Variants in CHPF2 observed in about 807,000 individuals in gnomAD.
CHPF2 encodes chondroitin polymerizing factor 2, also known as chondroitin polymerizing factor 2, non-catalytic subunit.
CHPF2 carries 58 observed loss-of-function variants against 63.0 expected under a neutral mutation model. The ratio of observed to expected loss-of-function variants is 0.92; its 90% CI spans 0.75 to 1.15. The LOEUF (loss-of-function observed/expected upper bound fraction) is 1.15. Among genes scored for constraint, CHPF2 ranks in the 50% most tolerant of loss-of-function variants. The pLI, the probability that CHPF2 is intolerant of heterozygous loss-of-function variation, is 0.00. For missense variants in CHPF2, 1,045 were observed against 1,035.4 expected, an observed-to-expected ratio of 1.01 and a Z score of -0.13; for synonymous variants, 442 against 438.0, an observed-to-expected ratio of 1.01 and a Z score of -0.11.
In CHPF2 at chr7:151,238,562, A is replaced by G. The variant is rs1480513928; in HGVS notation, c.2200A>G (p.Ser734Gly). The G allele has an allele frequency of 6.2e-7, 1 of 1,612,702 alleles. No homozygotes were observed. The highest frequency in any genetic ancestry group is 2.2e-5 in the East Asian group (1 of 44,840). Reference protein sequence around the residue: ...LVQKFSLRDCSPRLSEELYHR... With the variant: ...LVQKFSLRDCGPRLSEELYHR... The stretch of plus-strand genomic sequence containing the variant: ...GCAGAAGTTCTCCCTGCGAGACTGC[A>G]GCCCACGGCTCAGTGAAGAACTCTA... Residue 734 changes from serine (S) to glycine (G), a missense_variant, in exon 4 of 4, where the codon AGC becomes GGC. Coordinates refer to ENST00000035307, the MANE Select transcript of CHPF2 (RefSeq NM_019015.3).
chr7:151,238,589 C>T lies in CHPF2; in HGVS notation c.2227C>T (p.His743Tyr), dbSNP rs946182199. Residue 743 changes from histidine (H) to tyrosine (Y), a missense_variant, in exon 4 of 4, where the codon CAC becomes TAC. Coordinates refer to ENST00000035307, the MANE Select transcript of CHPF2 (RefSeq NM_019015.3). ...CCCACGGCTCAGTGAAGAACTCTAC[C>T]ACCGCTGCCGCCTCAGCAACCTGGA... is the stretch of plus-strand genomic sequence containing the variant. Reference protein sequence around the residue: ...CSPRLSEELYHRCRLSNLEGL... With the variant: ...CSPRLSEELYYRCRLSNLEGL... The T allele has an allele frequency of 1.9e-6, 3 of 1,612,816 alleles. No homozygotes were observed. The highest frequency in any genetic ancestry group is 1.7e-5 in the Admixed American group (1 of 59,974).
Position 151,233,543 on chromosome 7 carries a change from A to G in CHPF2, c.-469A>G, listed in dbSNP as rs1014402047. 3.3e-5 allele frequency: 33 copies of G among 986,258 alleles called. No homozygotes were observed. The African/African-American group carries it at 5.8e-4, about 17-fold the overall frequency. 61.1% of individuals were successfully genotyped at this position (986,258 alleles called of 1,614,324 possible). A position where few individuals can be genotyped will look rare whatever the true frequency, so the allele number is the denominator to read the frequency against. ...TTCTTCCGGAAAGGCCCACTGAGGCAGGCTCCGGCTCCTCTGGTTGGGGCT... is the reference window on the plus strand; with the variant it reads ...TTCTTCCGGAAAGGCCCACTGAGGCGGGCTCCGGCTCCTCTGGTTGGGGCT... On this transcript the variant is annotated 5_prime_UTR_variant, in exon 1 of 4. Coordinates refer to ENST00000035307, the MANE Select transcript of CHPF2 (RefSeq NM_019015.3).
At chr7:151,234,525 C>G (rs1802571636) in intron 1 of CHPF2, among the ~76,000 whole-genome samples, 1 of 152,112 alleles carries the variant, frequency 6.6e-6, no homozygotes, top group Non-Finnish European at 1.5e-5. Context: ...GAGTCTTGCT[C>G]TCGTCGCCCA....
rs979141783 is a variant in CHPF2 at position 151,233,766 on chromosome 7, C to G, written c.-246C>G. 6.8e-5 allele frequency: 83 copies of G among 1,218,218 alleles called. No individual in the cohort carries two copies. Among genetic ancestry groups the G allele is most frequent in the Non-Finnish European group, 8.0e-5 (78 of 979,586 alleles). 75.5% of individuals were successfully genotyped at this position (1,218,218 alleles called of 1,614,324 possible). A position where few individuals can be genotyped will look rare whatever the true frequency, so the allele number is the denominator to read the frequency against. The stretch of plus-strand genomic sequence containing the variant: ...GTGAAATTGATTGTTTCATTTATTA[C>G]CGTTTTGGCTGGGGGTTAGTTCCGA... On this transcript the variant is annotated 5_prime_UTR_variant, in exon 1 of 4. Coordinates refer to ENST00000035307, the MANE Select transcript of CHPF2 (RefSeq NM_019015.3).
In CHPF2 at chr7:151,238,636, G is replaced by C. The variant is rs1802785404; in HGVS notation, c.2274G>C (p.Gln758His). 1 of 1,610,668 alleles carries C rather than the reference G, an allele frequency of 6.2e-7. No individual in the cohort carries two copies. The highest frequency in any genetic ancestry group is 1.3e-5 in the African/African-American group (1 of 75,020). The change falls in exon 4 of 4, where the codon CAG becomes CAC. Residue 758 changes from glutamine (Q) to histidine (H), a missense_variant. Coordinates refer to ENST00000035307, the MANE Select transcript of CHPF2 (RefSeq NM_019015.3). ...TGGAGGGGCTAGGGGGCCGTGCCCA[G>C]CTGGCTATGGCTCTCTTTGAGCAGG... ...SNLEGLGGRA[Q>H]LAMALFEQEQ...
Position 151,235,127 on chromosome 7 carries a change from A to C in CHPF2, c.343A>C (p.Thr115Pro), listed in dbSNP as rs1482406439. 1.9e-6 allele frequency: 3 copies of C among 1,610,986 alleles called. No individual in the cohort carries two copies. Among genetic ancestry groups the C allele is most frequent in the East Asian group, 4.5e-5 (2 of 44,804 alleles). ...CCTGACCTCCCGAGCTACACTGTCCACTTTGGCCGTGGCTGTGAACCGTAC... is the reference window on the plus strand; with the variant it reads ...CCTGACCTCCCGAGCTACACTGTCCCCTTTGGCCGTGGCTGTGAACCGTAC... ...AVLTSRATLSTLAVAVNRTVA... is the reference protein window; with the variant it reads ...AVLTSRATLSPLAVAVNRTVA... Residue 115 changes from threonine (T) to proline (P), a missense_variant, in exon 2 of 4, where the codon ACT (threonine) becomes CCT (proline). Coordinates refer to ENST00000035307, the MANE Select transcript of CHPF2 (RefSeq NM_019015.3).
intron 1 of CHPF2, among the ~76,000 whole-genome samples, chr7:151,234,683 GTTTC>G (rs1257757478): frequency 6.6e-6 from 1 of 152,070 alleles, no homozygotes; most frequent in Non-Finnish European, 1.5e-5. Context: ...TAGACATGAG[GTTTC>G]TTCATGTTGG....
Position 151,234,121 on chromosome 7 carries a change from A to T in CHPF2, c.110A>T (p.Glu37Val). The T allele has an allele frequency of 6.2e-7, 1 of 1,607,252 alleles. No homozygotes were observed. Among genetic ancestry groups the T allele is most frequent in the Non-Finnish European group, 8.5e-7 (1 of 1,176,740 alleles). Residue 37 changes from glutamate to valine, a missense_variant, in exon 1 of 4, where the codon GAG becomes GTG. Physicochemically the swap from Glu to Val is moderately radical, Grantham distance 121. Transcript: ENST00000035307. Reference sequence around the variant, plus strand: ...CTGCGGGTTTCCTGGATCCAGGGGGAGGGAGAAGATCCCTGTGTCGAGGCT... The same window carrying T: ...CTGCGGGTTTCCTGGATCCAGGGGGTGGGAGAAGATCCCTGTGTCGAGGCT... Reference protein sequence around the residue: ...SLLRVSWIQGEGEDPCVEAVG... With the variant: ...SLLRVSWIQGVGEDPCVEAVG...
chr7:151,232,843 C>T lies in CHPF2; in HGVS notation c.-1169C>T, dbSNP rs1167409309. ...TGTGCCCCAGTCTCCCAGCCGCGACCTCCGACCCCGCCTCGCAGAACGACC... is the reference window on the plus strand; with the variant it reads ...TGTGCCCCAGTCTCCCAGCCGCGACTTCCGACCCCGCCTCGCAGAACGACC... On this transcript the variant is annotated 5_prime_UTR_variant, in exon 1 of 4. Transcript: ENST00000035307. 2 of 1,447,600 alleles carry T rather than the reference C, an allele frequency of 1.4e-6. No individual in the cohort carries two copies. The highest frequency in any genetic ancestry group is 2.9e-5 in the East Asian group (1 of 33,902). The allele number at this position is 1,447,600 out of a possible 1,614,324, so 89.7% of individuals were successfully genotyped here.
intron 3 of CHPF2, chr7:151,236,897 C>T (rs1802670997): frequency 1.8e-6 from 1 of 553,536 alleles, no homozygotes; most frequent in Non-Finnish European, 3.4e-6. Flanking sequence ...GTTTTAGCTC[C>T]TCCTCAATAG....
rs1233424991 is a variant in CHPF2 at position 151,236,471 on chromosome 7, G to C, written c.892G>C (p.Ala298Pro). ...GGACCCTGAGAAGGAAGGGAGCTCG[G>C]CTTTCCTGAGTGCCTTCGCCGTGCA... is the stretch of plus-strand genomic sequence containing the variant. ...NRDPEKEGSS[A>P]FLSAFAVHPV... The change falls in exon 3 of 4, where the codon GCT becomes CCT. Residue 298 changes from alanine (A) to proline (P), a missense_variant. Coordinates refer to ENST00000035307, the MANE Select transcript of CHPF2 (RefSeq NM_019015.3). 1 of 1,608,708 alleles carries C rather than the reference G, an allele frequency of 6.2e-7. No homozygotes were observed. Among genetic ancestry groups the C allele is most frequent in the South Asian group, 1.1e-5 (1 of 90,934 alleles).
Position 151,233,874 on chromosome 7 carries a change from G to T in CHPF2, c.-138G>T. On this transcript the variant is annotated 5_prime_UTR_variant, in exon 1 of 4. Transcript: ENST00000035307. ...GGGATGCTGGTCCTGGAAGCCAGCGGGCCTCGCTCTGTCTTTGGCCTCATT... is the reference window on the plus strand; with the variant it reads ...GGGATGCTGGTCCTGGAAGCCAGCGTGCCTCGCTCTGTCTTTGGCCTCATT... 1 of 1,292,430 alleles carries T rather than the reference G, an allele frequency of 7.7e-7. No homozygotes were observed. Among genetic ancestry groups the T allele is most frequent in the South Asian group, 2.9e-5 (1 of 34,772 alleles). The allele number at this position is 1,292,430 out of a possible 1,614,324, so 80.1% of individuals were successfully genotyped here.
Position 151,234,092 on chromosome 7 carries a change from C to T in CHPF2, c.81C>T (p.Ser27=). The part of the protein sequence containing the change: ...ILGLSLGCSL[S]LLRVSWIQGE... ...GGCTGTCTCTGGGGTGCAGCCTGAG[C>T]CTCCTGCGGGTTTCCTGGATCCAGG... The change falls in exon 1 of 4, where the codon AGC becomes AGT. Residue 27 remains serine, a synonymous_variant. Transcript: ENST00000035307. 3 of 1,607,816 alleles carry T rather than the reference C, an allele frequency of 1.9e-6. No homozygotes were observed. The highest frequency in any genetic ancestry group is 2.2e-5 in the South Asian group (2 of 90,370).
Position 151,238,713 on chromosome 7 carries a change from C to T in CHPF2, c.*32C>T, listed in dbSNP as rs780809992. 40 of 1,603,682 alleles carry T rather than the reference C, an allele frequency of 2.5e-5. No homozygotes were observed. In the Admixed American group the frequency reaches 5.4e-4, roughly 22 times the overall value. ...TGGGGGCCCTAACCTCATTACCTTTCCTTTGTCTGCCTCAGCCCCAGGAAG... is the reference window on the plus strand; with the variant it reads ...TGGGGGCCCTAACCTCATTACCTTTTCTTTGTCTGCCTCAGCCCCAGGAAG... On this transcript the variant is annotated 3_prime_UTR_variant, in exon 4 of 4. Coordinates refer to ENST00000035307, the MANE Select transcript of CHPF2 (RefSeq NM_019015.3).
At position 151,238,195 on chromosome 7, in the gene CHPF2, C is replaced by T; in HGVS notation, c.1833C>T (p.Ala611=). 6.2e-7 allele frequency: 1 copy of T among 1,613,096 alleles called. No individual in the cohort carries two copies. Among genetic ancestry groups the T allele is most frequent in the Middle Eastern group, 1.6e-4 (1 of 6,062 alleles). The change falls in exon 4 of 4, where the codon GCC becomes GCT. Residue 611 remains alanine, a synonymous_variant. Transcript: ENST00000035307. ...PEVLNRCRMN[A]ISGWQAFFPV... Reference sequence around the variant, plus strand: ...TCCTCAACCGCTGTCGCATGAATGCCATCTCTGGCTGGCAGGCCTTCTTTC... The same window carrying T: ...TCCTCAACCGCTGTCGCATGAATGCTATCTCTGGCTGGCAGGCCTTCTTTC...
chr7:151,238,574 A>T lies in CHPF2; in HGVS notation c.2212A>T (p.Ser738Cys). 1 of 1,613,110 alleles carries T rather than the reference A, an allele frequency of 6.2e-7. No individual in the cohort carries two copies. The highest frequency in any genetic ancestry group is 1.1e-5 in the South Asian group (1 of 90,998). The change falls in exon 4 of 4, where the codon AGT becomes TGT. Residue 738 changes from serine to cysteine, a missense_variant. Ser to Cys is a moderately radical substitution (Grantham distance 112). Coordinates refer to ENST00000035307, the MANE Select transcript of CHPF2 (RefSeq NM_019015.3). ...CCTGCGAGACTGCAGCCCACGGCTC[A>T]GTGAAGAACTCTACCACCGCTGCCG... The part of the protein sequence containing the change: ...FSLRDCSPRL[S>C]EELYHRCRLS...
At position 151,233,858 on chromosome 7, in the gene CHPF2, G is replaced by C; in HGVS notation, c.-154G>C. On this transcript the variant is annotated 5_prime_UTR_variant, in exon 1 of 4. Transcript: ENST00000035307. The stretch of plus-strand genomic sequence containing the variant: ...CAGGACAATCTTCTTGGGGATGCTG[G>C]TCCTGGAAGCCAGCGGGCCTCGCTC... 1 of 1,274,722 alleles carries C rather than the reference G, an allele frequency of 7.8e-7. No homozygotes were observed. Among genetic ancestry groups the C allele is most frequent in the Non-Finnish European group, 9.9e-7 (1 of 1,011,994 alleles). The allele number at this position is 1,274,722 out of a possible 1,614,324, so 79.0% of individuals were successfully genotyped here.
At position 151,235,211 on chromosome 7, in the gene CHPF2, C is replaced by G. The variant is rs1802598310; in HGVS notation, c.427C>G (p.Pro143Ala). The G allele has an allele frequency of 6.2e-7, 1 of 1,613,084 alleles. No homozygotes were observed. The highest frequency in any genetic ancestry group is 8.5e-7 in the Non-Finnish European group (1 of 1,179,490). Residue 143 changes from proline to alanine, a missense_variant, in exon 2 of 4, where the codon CCA (proline) becomes GCA (alanine). By Grantham distance (27) the Pro-to-Ala change is conservative (BLOSUM62 -1). Coordinates refer to ENST00000035307, the MANE Select transcript of CHPF2 (RefSeq NM_019015.3). The stretch of plus-strand genomic sequence containing the variant: ...CACTGGGCAGCGGGGGGCCCGGGCT[C>G]CAGCAGGGATGCAGGTGGTGTCTCA... ...YFTGQRGARA[P>A]AGMQVVSHGD...
chr7:151,237,708 T>C lies in CHPF2; in HGVS notation c.1346T>C (p.Leu449Pro). Reference sequence around the variant, plus strand: ...GGCATGGAGTACACCCTGGACCTGCTGTTGGAATGTGTGACACAGCGTGGG... The same window carrying C: ...GGCATGGAGTACACCCTGGACCTGCCGTTGGAATGTGTGACACAGCGTGGG... ...ARGMEYTLDLLLECVTQRGHR... is the reference protein window; with the variant it reads ...ARGMEYTLDLPLECVTQRGHR... Residue 449 changes from leucine to proline, a missense_variant, in exon 4 of 4, where the codon CTG (leucine) becomes CCG (proline). Coordinates refer to ENST00000035307, the MANE Select transcript of CHPF2 (RefSeq NM_019015.3). The C allele has an allele frequency of 1.9e-6, 3 of 1,612,928 alleles. No homozygotes were observed. Among genetic ancestry groups the C allele is most frequent in the African/African-American group, 1.3e-5 (1 of 75,062 alleles).
Sources: allele counts gnomAD v4.1 joint callset (sites outside exome capture counted in the v4.1 genomes callset), GRCh38; gene constraint gnomAD v4.1.1; transcripts MANE v1.5; gene names NCBI Gene and HGNC (gene_info 2026-07-23, HGNC 2026-07-21).